Variants in FREM1 observed in about 807,000 individuals in gnomAD.
The protein encoded by FREM1 is FRAS1 related extracellular matrix 1.
In FREM1, 220 loss-of-function variants were observed where a neutral mutation model predicts 210.1. The observed-to-expected ratio is 1.05, with a 90% CI of 0.94 to 1.17. FREM1 has a LOEUF of 1.17. Ranked by LOEUF, FREM1 falls within the 50% of genes most tolerant of loss-of-function variation. The pLI, the probability that FREM1 is intolerant of heterozygous loss-of-function variation, is 0.00. For synonymous variants in FREM1, 1,189 were observed against 980.2 expected, an observed-to-expected ratio of 1.21 and a Z score of -3.98; for missense variants, 3,454 against 2,675.5, an observed-to-expected ratio of 1.29 and a Z score of -6.42.
intron 16 of FREM1, among the ~76,000 whole-genome samples, chr9:14,809,588 C>T (rs981750008): frequency 8.5e-5 from 13 of 152,084 alleles, no homozygotes; most frequent in African/African-American, 2.9e-4. Context: ...AACAATCAGC[C>T]GTCAATGTGA....
chr9:14,882,427 C>G (rs1237059090), intron 1 of FREM1, among the ~76,000 whole-genome samples: 2 of 151,074 alleles, frequency 1.3e-5, no homozygotes, highest in Non-Finnish European at 2.9e-5. Context: ...TATCTGGATT[C>G]TAATCCCGAT....
chr9:14,764,243 GA>G (rs770583756), intron 27 of FREM1, among the ~76,000 whole-genome samples: 49 of 152,082 alleles, frequency 3.2e-4, no homozygotes, highest in Admixed American at 3.9e-4. Flanking sequence ...CCAACTATTT[GA>G]AACTATGAGT....
chr9:14,849,096 G>T (rs1827199438), intron 6 of FREM1, among the ~76,000 whole-genome samples: 3 of 152,170 alleles, frequency 2.0e-5, no homozygotes, highest in Admixed American at 6.5e-5. Flanking sequence ...TTTCTCAAAG[G>T]TGGAGGATCT....
intron 35 of FREM1, among the ~76,000 whole-genome samples, chr9:14,743,509 A>G (rs1419890528): frequency 3.3e-5 from 5 of 152,116 alleles, no homozygotes; most frequent in Non-Finnish European, 7.4e-5. Context: ...ACACTTGGCA[A>G]TGTGACACCA....
At chr9:14,811,811 A>G (rs576566372) in intron 16 of FREM1, among the ~76,000 whole-genome samples, 2 of 152,136 alleles carry the variant, frequency 1.3e-5, no homozygotes, top group Admixed American at 1.3e-4. Flanking sequence ...ATCTCTTCAA[A>G]TAAGAAAATG....
intron 8 of FREM1, among the ~76,000 whole-genome samples, chr9:14,843,124 A>G (rs1825973213): frequency 1.3e-5 from 2 of 152,194 alleles, no homozygotes; most frequent in Admixed American, 1.3e-4. Flanking sequence ...AACAAAAAGG[A>G]AGAGGAAAGG....
At chr9:14,851,033 TG>T (rs1827637935) in intron 6 of FREM1, among the ~76,000 whole-genome samples, 1 of 152,226 alleles carries the variant, frequency 6.6e-6, no homozygotes, top group Non-Finnish European at 1.5e-5. Context: ...GTGGTGGGCA[TG>T]AGCTGAGTGG....
chr9:14,877,293 T>A (rs192560424), intron 1 of FREM1, among the ~76,000 whole-genome samples: 5 of 152,076 alleles, frequency 3.3e-5, no homozygotes, highest in Admixed American at 2.0e-4. Context: ...GGGTGGTGTA[T>A]AAAAGACATC....
chr9:14,860,249 C>G lies in FREM1; in HGVS notation c.330-765G>C, dbSNP rs116009401. Among the ~76,000 whole-genome samples the G allele has an allele frequency of 3.3e-3, 506 of 152,096 alleles. 5 individuals are homozygous for G. Among genetic ancestry groups the G allele is most frequent in the African/African-American group, 0.012 (487 of 41,476 alleles). On this transcript the variant is annotated intron_variant, in intron 3 of 36. Transcript: ENST00000380880. Reference sequence around the variant, plus strand: ...TATGGAGGAAGAAACTCAGGCATAACGGGCTCAGGTAGCTTGCCAAAGGGG... The same window carrying G: ...TATGGAGGAAGAAACTCAGGCATAAGGGGCTCAGGTAGCTTGCCAAAGGGG...
At chr9:14,892,889 G>A (rs1254166113) in intron 1 of FREM1, among the ~76,000 whole-genome samples, 1 of 152,060 alleles carries the variant, frequency 6.6e-6, no homozygotes, top group African/African-American at 2.4e-5. Context: ...TGACCATCTT[G>A]CCCAGAGACC....
At chr9:14,895,799 A>G (rs766436750) in intron 1 of FREM1, among the ~76,000 whole-genome samples, 1 of 151,998 alleles carries the variant, frequency 6.6e-6, no homozygotes, top group Non-Finnish European at 1.5e-5. Flanking sequence ...CTACCCAAAT[A>G]CAAGAGATCC....
Position 14,801,676 on chromosome 9 carries a change from A to C in FREM1, c.3670T>G (p.Phe1224Val). 6.2e-7 allele frequency: 1 copy of C among 1,613,374 alleles called. No individual in the cohort carries two copies. Among genetic ancestry groups the C allele is most frequent in the Non-Finnish European group, 8.5e-7 (1 of 1,179,326 alleles). ...CCAGTCTTGAGGAGTTCCATGGAAA[A>C]GCTGTGAACAGGTGCATGTTTCTGG... ...PHQKHAPVHSFSMELLKTGMR... is the reference protein window; with the variant it reads ...PHQKHAPVHSVSMELLKTGMR... The change falls in exon 20 of 37, where the codon TTT (phenylalanine) becomes GTT (valine). Residue 1224 changes from phenylalanine (F) to valine (V), a missense_variant. Transcript: ENST00000380880.
At chr9:14,883,162 TTA>T (rs1835123430) in intron 1 of FREM1, among the ~76,000 whole-genome samples, 2 of 152,078 alleles carry the variant, frequency 1.3e-5, no homozygotes, top group Non-Finnish European at 2.9e-5. Context: ...TCTGTTTTAT[TTA>T]CATTCTAATT....
intron 27 of FREM1, among the ~76,000 whole-genome samples, chr9:14,766,781 A>G (rs1280646963): frequency 6.6e-6 from 1 of 152,170 alleles, no homozygotes; most frequent in East Asian, 1.9e-4. Flanking sequence ...ATATGAATCT[A>G]TTAATCCTGT....
chr9:14,753,482 G>A (rs1175131888), intron 29 of FREM1, among the ~76,000 whole-genome samples: 1 of 152,172 alleles, frequency 6.6e-6, no homozygotes, highest in African/African-American at 2.4e-5. Context: ...TGAATGCAAA[G>A]TAGTTAGGGT....
At chr9:14,815,025 T>C (rs930624362) in intron 15 of FREM1, among the ~76,000 whole-genome samples, 3 of 152,220 alleles carry the variant, frequency 2.0e-5, no homozygotes, top group African/African-American at 7.2e-5. Flanking sequence ...AAGAAAACTG[T>C]CCTTTTTGAA....
intron 24 of FREM1, among the ~76,000 whole-genome samples, chr9:14,777,618 T>C (rs1287370606): frequency 6.0e-5 from 9 of 150,238 alleles, no homozygotes; most frequent in Non-Finnish European, 8.9e-5. Flanking sequence ...AAATTTTATA[T>C]ACATATATAA....
chr9:14,820,633 G>A (rs965527764), intron 13 of FREM1, among the ~76,000 whole-genome samples: 1 of 152,228 alleles, frequency 6.6e-6, no homozygotes, highest in African/African-American at 2.4e-5. Context: ...GGGCATTCAT[G>A]GTGCCACAAG....
intron 1 of FREM1, among the ~76,000 whole-genome samples, chr9:14,893,310 T>C (rs1013645697): frequency 6.6e-6 from 1 of 152,244 alleles, no homozygotes; most frequent in Non-Finnish European, 1.5e-5. Flanking sequence ...GCTATGAATT[T>C]GTCTTTCCAT....
Sources: allele counts gnomAD v4.1 joint callset (sites outside exome capture counted in the v4.1 genomes callset), GRCh38; gene constraint gnomAD v4.1.1; transcripts MANE v1.5; gene names NCBI Gene and HGNC (gene_info 2026-07-23, HGNC 2026-07-21).